NEK6: variants seen among roughly 807,000 people sequenced by gnomAD.
The protein encoded by NEK6 is serine/threonine-protein kinase Nek6.
Under a neutral mutation model 43.5 loss-of-function variants are expected in NEK6, and 27 were observed. That is an observed-to-expected ratio of 0.62 (90% CI 0.46 to 0.86). NEK6 has a LOEUF of 0.86. Among genes scored for constraint, NEK6 ranks in the 40% least tolerant of loss-of-function variants. NEK6 has a pLI of 0.00. For missense variants in NEK6, 318 were observed against 414.4 expected (o/e 0.77, Z 2.02); for synonymous variants, 167 against 164.1 (o/e 1.02, Z -0.14).
intron 2 of NEK6, among the ~76,000 whole-genome samples, 155 bp from the exon 3 acceptor site, chr9:124,312,354 T>TG (rs770850895): frequency 6.6e-6 from 1 of 151,990 alleles, no homozygotes; most frequent in African/African-American, 2.4e-5. Context: ...GAAAGCCCCC[T>TG]GGGGGGGTGC....
chr9:124,313,913 C>G lies in NEK6; in HGVS notation c.232-10C>G, dbSNP rs1351563738. ...TAACCACTCTATTTCTCTTTTTCCT[C>G]CCGCCCAAGATCTTTGAGATGATGG... is the stretch of plus-strand genomic sequence containing the variant. On this transcript the variant is annotated splice_polypyrimidine_tract_variant and intron_variant, in intron 3 of 9. Transcript: ENST00000320246. 5.6e-6 allele frequency: 9 copies of G among 1,614,062 alleles called. No homozygotes were observed. The Admixed American group carries it at 1.3e-4, about 24-fold the overall frequency.
chr9:124,274,382 G>A (rs1322162559), intron 1 of NEK6, among the ~76,000 whole-genome samples: 1 of 152,256 alleles, frequency 6.6e-6, no homozygotes, highest in Non-Finnish European at 1.5e-5. Flanking sequence ...GCCTGGCACT[G>A]TGCTGGCCAA....
At chr9:124,291,045 T>C (rs1832393283) in intron 1 of NEK6, among the ~76,000 whole-genome samples, 1 of 152,200 alleles carries the variant, frequency 6.6e-6, no homozygotes, top group South Asian at 2.1e-4. Context: ...CGAATAAAGA[T>C]GCAATAACAA....
intron 8 of NEK6, among the ~76,000 whole-genome samples, chr9:124,347,387 G>C (rs1786656778): frequency 6.6e-6 from 1 of 152,284 alleles, no homozygotes; most frequent in South Asian, 2.1e-4. Context: ...CTGCCACATG[G>C]AGCCTGGGTC....
intron 1 of NEK6, among the ~76,000 whole-genome samples, chr9:124,284,004 C>G (rs1333334923): frequency 6.6e-6 from 1 of 152,236 alleles, no homozygotes; most frequent in African/African-American, 2.4e-5. Flanking sequence ...AATGGAATGT[C>G]TGGAGGCATG....
At position 124,350,910 on chromosome 9, in the gene NEK6, T is replaced by C. The variant is rs1423213989; in HGVS notation, c.905T>C (p.Val302Ala). 2.5e-6 allele frequency: 4 copies of C among 1,611,228 alleles called. No individual in the cohort carries two copies. Among genetic ancestry groups the C allele is most frequent in the South Asian group, 2.2e-5 (2 of 91,080 alleles). The change falls in exon 10 of 10, where the codon GTG (valine) becomes GCG (alanine). Residue 302 changes from valine to alanine, a missense_variant. Val to Ala is a moderately conservative substitution (Grantham distance 64). This residue lies in a region of NEK6 where 79 missense variants were observed against 70.0 expected (regional missense o/e 1.13). Transcript: ENST00000320246. ...CCTGACATCGGATACGTGCACCAGG[T>C]GGCCAAGCAGATGCACATCTGGATG... ...QRPDIGYVHQ[V>A]AKQMHIWMSS... is the part of the protein sequence containing the mutation.
At chr9:124,282,237 A>G (rs1270536702) in intron 1 of NEK6, among the ~76,000 whole-genome samples, 3 of 152,290 alleles carry the variant, frequency 2.0e-5, no homozygotes, top group Middle Eastern at 6.8e-3. Flanking sequence ...GGCTTCTGGC[A>G]GGCGCTAGCC....
Position 124,348,305 on chromosome 9 carries a change from G to A in NEK6, c.831+483G>A, listed in dbSNP as rs539170727. Reference sequence around the variant, plus strand: ...AGACTTAACACCCTGGGCTTCTACTGTCAACATTTTACACTGGCTGCGGGA... The same window carrying A: ...AGACTTAACACCCTGGGCTTCTACTATCAACATTTTACACTGGCTGCGGGA... On this transcript the variant is annotated intron_variant, in intron 9 of 9. Transcript: ENST00000320246. Among the ~76,000 whole-genome samples, 3 of 152,290 alleles carry A rather than the reference G, an allele frequency of 2.0e-5. No homozygotes were observed. The East Asian group carries it at 5.8e-4, about 29-fold the overall frequency.
chr9:124,299,718 G>A (rs1173614838), intron 1 of NEK6, among the ~76,000 whole-genome samples: 1 of 152,146 alleles, frequency 6.6e-6, no homozygotes, highest in Non-Finnish European at 1.5e-5. Flanking sequence ...GCCCCTCCGT[G>A]TGACACTGAT....
chr9:124,312,359 G>T, intron 2 of NEK6, 150 bp from the exon 3 acceptor site: 1 of 913,062 alleles, frequency 1.1e-6, no homozygotes, highest in South Asian at 1.8e-5. Context: ...CCCCCTGGGG[G>T]GGTGCCTGGG....
chr9:124,290,875 G>A (rs187062526), intron 1 of NEK6, among the ~76,000 whole-genome samples: 247 of 152,316 alleles, frequency 1.6e-3, no homozygotes, highest in African/African-American at 5.3e-3. Flanking sequence ...GAGCAGCTTC[G>A]TGCTCTTTTT....
chr9:124,295,865 G>T (rs971310214), intron 1 of NEK6, among the ~76,000 whole-genome samples: 1 of 152,258 alleles, frequency 6.6e-6, no homozygotes, highest in Non-Finnish European at 1.5e-5. Context: ...TCAAATGGCA[G>T]CTCTCTCCAC....
At chr9:124,297,032 A>G (rs939166173) in intron 1 of NEK6, among the ~76,000 whole-genome samples, 5 of 152,254 alleles carry the variant, frequency 3.3e-5, no homozygotes, top group African/African-American at 1.2e-4. Context: ...GCGGCACAGC[A>G]GCTGGCTTTG....
At chr9:124,300,436 C>G (rs1832911459) in intron 1 of NEK6, among the ~76,000 whole-genome samples, 1 of 152,104 alleles carries the variant, frequency 6.6e-6, no homozygotes, top group African/African-American at 2.4e-5. Flanking sequence ...GCTGGCCCAG[C>G]AGACCGGGGG....
At position 124,350,831 on chromosome 9, in the gene NEK6, C is replaced by T; in HGVS notation, c.832-6C>T. The T allele has an allele frequency of 6.2e-7, 1 of 1,603,886 alleles. No individual in the cohort carries two copies. The highest frequency in any genetic ancestry group is 8.5e-7 in the Non-Finnish European group (1 of 1,171,978). On this transcript the variant is annotated splice_region_variant and splice_polypyrimidine_tract_variant and intron_variant, in intron 9 of 9. Transcript: ENST00000320246. ...TGAGAATAACACACCATTCTCTCCCCTGCAGTTACGAGAACTGGTCAGCAT... is the reference window on the plus strand; with the variant it reads ...TGAGAATAACACACCATTCTCTCCCTTGCAGTTACGAGAACTGGTCAGCAT...
At position 124,324,485 on chromosome 9, in the gene NEK6, G is replaced by A. The variant is rs968186178; in HGVS notation, c.406-1845G>A. ...CCCCAGAACCCACCAGAGACTCTGC[G>A]CCTCCCCGCTAAATGTCAGACAGCG... On this transcript the variant is annotated intron_variant, in intron 5 of 9. Coordinates refer to ENST00000320246, the MANE Select transcript of NEK6 (RefSeq NM_014397.6). This position sits in a 1 kb window ranked among gnomAD's most constrained non-coding sequence, Gnocchi z 5.3. Among the ~76,000 whole-genome samples the A allele has an allele frequency of 6.6e-5, 10 of 152,150 alleles. No individual in the cohort carries two copies. The highest frequency in any genetic ancestry group is 1.3e-4 in the Admixed American group (2 of 15,278).
rs755305177 is a variant in NEK6, at chr9:124,327,463, G to A, written c.622+18G>A. 1.3e-6 allele frequency: 2 copies of A among 1,594,450 alleles called. No individual in the cohort carries two copies. Among genetic ancestry groups the A allele is most frequent in the African/African-American group, 1.3e-5 (1 of 74,588 alleles). On this transcript the variant is annotated intron_variant, in intron 7 of 9. Transcript: ENST00000320246. ...CTCCCTAGGTAAGGGGGACCTGTCT[G>A]TGCCCCAGCAGCCCCCAGCGGTCCT...
chr9:124,276,214 A>G (rs994175099), intron 1 of NEK6, among the ~76,000 whole-genome samples: 4 of 152,134 alleles, frequency 2.6e-5, no homozygotes, highest in Non-Finnish European at 2.9e-5. Context: ...CAGGGAGTAA[A>G]GAATTCTGGG....
intron 1 of NEK6, among the ~76,000 whole-genome samples, chr9:124,298,971 G>T (rs1832829161): frequency 1.3e-5 from 2 of 152,260 alleles, no homozygotes; most frequent in Admixed American, 1.3e-4. Flanking sequence ...GAGCTCCTGA[G>T]AGTGTGCAGA....
Sources: gnomAD v4.1 joint callset for allele counts (sites outside exome capture counted in the v4.1 genomes callset) on GRCh38, gnomAD v4.1.1 for gene constraint, gnomAD v4.1.1 regional missense constraint, Gnocchi (gnomAD v3.1) non-coding constraint, MANE v1.5 for transcripts, NCBI Gene and HGNC (gene_info 2026-07-23, HGNC 2026-07-21) for gene names.